Variants in NEGR1 observed in about 807,000 individuals in gnomAD.
The protein encoded by NEGR1 is neuronal growth regulator 1, also known as IgLON family member 4.
A neutral mutation model predicts 40.9 loss-of-function variants in NEGR1; 10 were observed. The observed-to-expected ratio is 0.24, with a 90% CI of 0.15 to 0.42. NEGR1 has a LOEUF of 0.42. Ranked by LOEUF, NEGR1 falls within the 10% of genes least tolerant of loss-of-function variation. NEGR1 has a pLI of 1.00. For missense variants in NEGR1, 352 were observed against 438.9 expected (o/e 0.80, Z 1.77); for synonymous variants, 185 against 166.8 (o/e 1.11, Z -0.84).
At position 71,675,050 on chromosome 1, in the gene NEGR1, T is replaced by C. The variant is rs369259958; in HGVS notation, c.667+22958A>G. The stretch of plus-strand genomic sequence containing the variant: ...ATATATTGCATAAATATATATGTGA[T>C]ACATACGTATGTGATCTATATATGT... On this transcript the variant is annotated intron_variant, in intron 4 of 6. Transcript: ENST00000357731. Among the ~76,000 whole-genome samples, 91 of 146,418 alleles carry C rather than the reference T, an allele frequency of 6.2e-4. 1 individual carries two copies. The East Asian group carries it at 0.016, about 26-fold the overall frequency.
intron 1 of NEGR1, among the ~76,000 whole-genome samples, chr1:72,030,933 A>G (rs1370086638): frequency 1.3e-5 from 2 of 152,240 alleles, no homozygotes; most frequent in African/African-American, 2.4e-5. Flanking sequence ...TAGCATTCTT[A>G]AAACAATCAT....
intron 1 of NEGR1, among the ~76,000 whole-genome samples, chr1:72,230,387 T>C (rs1211185132): frequency 1.3e-5 from 2 of 152,146 alleles, no homozygotes; most frequent in Non-Finnish European, 2.9e-5. Context: ...TATAAAGTTA[T>C]TTTTACAGCT....
chr1:71,428,738 T>C (rs576568948), intron 6 of NEGR1, among the ~76,000 whole-genome samples: 2 of 151,454 alleles, frequency 1.3e-5, no homozygotes, highest in Non-Finnish European at 2.9e-5. Flanking sequence ...CTCCATTGTA[T>C]AAATGGGGAA....
At chr1:71,558,056 C>T (rs1435640581) in intron 6 of NEGR1, among the ~76,000 whole-genome samples, 2 of 151,456 alleles carry the variant, frequency 1.3e-5, no homozygotes, top group Non-Finnish European at 3.0e-5. Flanking sequence ...CTGATGTGCC[C>T]TTCTTTATCA....
chr1:71,770,675 T>C (rs1240997404), intron 3 of NEGR1, among the ~76,000 whole-genome samples: 1 of 152,204 alleles, frequency 6.6e-6, no homozygotes, highest in Non-Finnish European at 1.5e-5. Flanking sequence ...TGACTCCTAA[T>C]GGTCAAACTG....
chr1:72,063,491 G>A (rs1304828669), intron 1 of NEGR1, among the ~76,000 whole-genome samples: 1 of 151,882 alleles, frequency 6.6e-6, no homozygotes, highest in Non-Finnish European at 1.5e-5. Context: ...GGCAAAAACA[G>A]CAATTACTTT....
At chr1:71,994,260 G>C (rs534420752) in intron 1 of NEGR1, among the ~76,000 whole-genome samples, 49 of 152,240 alleles carry the variant, frequency 3.2e-4, no homozygotes, top group African/African-American at 1.1e-3. Flanking sequence ...CTGGTGTGGT[G>C]GCTCACGCCT....
chr1:71,906,489 A>T (rs946186427), intron 2 of NEGR1, among the ~76,000 whole-genome samples: 3 of 151,714 alleles, frequency 2.0e-5, no homozygotes, highest in African/African-American at 7.2e-5. Context: ...AAAAAAAAAA[A>T]AAAGTTGAGA....
chr1:72,023,847 TCTC>T (rs1054072685), intron 1 of NEGR1, among the ~76,000 whole-genome samples: 1 of 152,042 alleles, frequency 6.6e-6, no homozygotes, highest in African/African-American at 2.4e-5. Flanking sequence ...TTTATTATAT[TCTC>T]CTATCAAATT....
At chr1:72,165,213 T>A (rs147108550) in intron 1 of NEGR1, among the ~76,000 whole-genome samples, 92 of 152,140 alleles carry the variant, frequency 6.0e-4, no homozygotes, top group Non-Finnish European at 9.1e-4. Flanking sequence ...AAATATAGCA[T>A]TAGAAATTTT....
At chr1:71,981,427 C>T (rs1037096954) in intron 1 of NEGR1, among the ~76,000 whole-genome samples, 1 of 152,134 alleles carries the variant, frequency 6.6e-6, no homozygotes, top group African/African-American at 2.4e-5. Flanking sequence ...GGGTGGAAAG[C>T]TGAGTTCCAA....
intron 1 of NEGR1, among the ~76,000 whole-genome samples, chr1:71,969,393 T>C (rs1646237867): frequency 6.6e-6 from 1 of 152,244 alleles, no homozygotes; most frequent in South Asian, 2.1e-4. Flanking sequence ...GTTGAAATCC[T>C]GTTATACAGT....
At chr1:71,504,614 A>C (rs1187749380) in intron 6 of NEGR1, among the ~76,000 whole-genome samples, 1 of 152,190 alleles carries the variant, frequency 6.6e-6, no homozygotes, top group Non-Finnish European at 1.5e-5. Context: ...CAGGACTTTT[A>C]ATAAATTTGA....
chr1:71,763,555 A>G lies in NEGR1; in HGVS notation c.535+12617T>C, dbSNP rs999187722. Among the ~76,000 whole-genome samples, 20 of 152,190 alleles carry G rather than the reference A, an allele frequency of 1.3e-4. 1 individual carries two copies. The highest frequency in any genetic ancestry group is 4.3e-4 in the African/African-American group (18 of 41,444). ...TCTGAGTATCATGTTCATCTGTACA[A>G]TGAGTTTGGTTTTGAGGCTTAAATG... is the stretch of plus-strand genomic sequence containing the variant. On this transcript the variant is annotated intron_variant, in intron 3 of 6. Coordinates refer to ENST00000357731, the MANE Select transcript of NEGR1 (RefSeq NM_173808.3).
chr1:71,691,006 G>A (rs1490606540), intron 4 of NEGR1, among the ~76,000 whole-genome samples: 1 of 151,908 alleles, frequency 6.6e-6, no homozygotes, highest in East Asian at 1.9e-4. Flanking sequence ...GCATGTTGAT[G>A]TTCCGTAAAC....
chr1:71,859,855 A>T (rs1030033467), intron 2 of NEGR1, among the ~76,000 whole-genome samples: 3 of 152,080 alleles, frequency 2.0e-5, no homozygotes, highest in African/African-American at 7.2e-5. Context: ...CTTTTTATTC[A>T]TCCATCTAAA....
intron 1 of NEGR1, among the ~76,000 whole-genome samples, chr1:72,207,214 T>C (rs1049468079): frequency 2.6e-5 from 4 of 151,420 alleles, no homozygotes; most frequent in African/African-American, 9.7e-5. Flanking sequence ...TATCGTAAAG[T>C]AGATATGGAA....
chr1:71,895,665 G>T (rs1660950898), intron 2 of NEGR1, among the ~76,000 whole-genome samples: 1 of 152,044 alleles, frequency 6.6e-6, no homozygotes, highest in Non-Finnish European at 1.5e-5. Flanking sequence ...TCCATTCTAT[G>T]GCTCTATCAC....
chr1:71,991,998 T>C (rs959789250), intron 1 of NEGR1, among the ~76,000 whole-genome samples: 5 of 152,092 alleles, frequency 3.3e-5, no homozygotes, highest in Admixed American at 3.3e-4. Flanking sequence ...TTTCACTGTG[T>C]TGCCCAGGCT....
Sources: gnomAD v4.1 joint callset for allele counts (sites outside exome capture counted in the v4.1 genomes callset) on GRCh38, gnomAD v4.1.1 for gene constraint, MANE v1.5 for transcripts, NCBI Gene and HGNC (gene_info 2026-07-23, HGNC 2026-07-21) for gene names.